The following ENOX1 variants were observed in gnomAD, a reference collection of about 807,000 sequenced individuals.
The protein encoded by ENOX1 is ecto-NOX disulfide-thiol exchanger 1.
Under a neutral mutation model 82.5 loss-of-function variants are expected in ENOX1, and 42 were observed. The observed-to-expected ratio is 0.51, with a 90% CI of 0.40 to 0.66. The LOEUF (loss-of-function observed/expected upper bound fraction) is 0.66, where lower values mean the gene tolerates loss of function less well. ENOX1 is among the 30% of genes least tolerant of loss of function. ENOX1 has a pLI of 0.00. For missense variants in ENOX1, 608 were observed against 811.6 expected (o/e 0.75, Z 3.05); for synonymous variants, 271 against 282.2 (o/e 0.96, Z 0.40).
At chr13:43,558,458 A>T (rs906628550) in intron 2 of ENOX1, among the ~76,000 whole-genome samples, 1 of 152,206 alleles carries the variant, frequency 6.6e-6, no homozygotes, top group African/African-American at 2.4e-5. Context: ...TTGGACTAAG[A>T]TTCCAGCAGA....
intron 2 of ENOX1, among the ~76,000 whole-genome samples, chr13:43,542,977 C>T (rs1016133505): frequency 3.3e-5 from 5 of 152,138 alleles, no homozygotes; most frequent in Admixed American, 6.5e-5. Flanking sequence ...GCTCCGGCTA[C>T]GTGACCCAAT....
intron 14 of ENOX1, among the ~76,000 whole-genome samples, chr13:43,256,705 G>A (rs572042605): frequency 1.3e-5 from 2 of 152,326 alleles, no homozygotes; most frequent in South Asian, 2.1e-4. Flanking sequence ...CTAGCACGCT[G>A]TTAGTGGGAA....
chr13:43,685,254 A>C (rs1480885044), intron 1 of ENOX1, among the ~76,000 whole-genome samples: 2 of 152,132 alleles, frequency 1.3e-5, no homozygotes, highest in Non-Finnish European at 2.9e-5. Context: ...CTTCCCAGCA[A>C]TTGCAATCTG....
intron 14 of ENOX1, among the ~76,000 whole-genome samples, chr13:43,260,081 A>C (rs1200168344): frequency 1.3e-5 from 2 of 152,246 alleles, no homozygotes; most frequent in Non-Finnish European, 2.9e-5. Context: ...GACTCAGCAC[A>C]TGCAGAGGTT....
intron 2 of ENOX1, among the ~76,000 whole-genome samples, chr13:43,599,899 G>T (rs2081629122): frequency 6.6e-6 from 1 of 151,766 alleles, no homozygotes; most frequent in Admixed American, 6.6e-5. Flanking sequence ...CCCCATTCCA[G>T]GCCCTAGCAC....
At chr13:43,595,589 T>A (rs1161068665) in intron 2 of ENOX1, among the ~76,000 whole-genome samples, 1 of 152,188 alleles carries the variant, frequency 6.6e-6, no homozygotes, top group African/African-American at 2.4e-5. Flanking sequence ...CAATTAACAT[T>A]CTTTCATAGG....
chr13:43,591,216 A>G (rs2081232224), intron 2 of ENOX1, among the ~76,000 whole-genome samples: 1 of 152,244 alleles, frequency 6.6e-6, no homozygotes, highest in African/African-American at 2.4e-5. Context: ...CAAAATAAAA[A>G]TAAAAAACCC....
intron 1 of ENOX1, among the ~76,000 whole-genome samples, chr13:43,684,773 T>A (rs1056448834): frequency 4.6e-5 from 7 of 152,180 alleles, no homozygotes; most frequent in Non-Finnish European, 4.4e-5. Context: ...AATGCTTCTT[T>A]CTGCATAGTA....
chr13:43,691,022 A>G (rs188184108), intron 1 of ENOX1, among the ~76,000 whole-genome samples: 33 of 152,278 alleles, frequency 2.2e-4, no homozygotes, highest in African/African-American at 5.5e-4. Context: ...CTAGCCTTCA[A>G]TTGGCAACTA....
intron 2 of ENOX1, among the ~76,000 whole-genome samples, chr13:43,529,923 T>C (rs1028365150): frequency 4.6e-5 from 7 of 152,088 alleles, no homozygotes; most frequent in South Asian, 4.1e-4. Context: ...CAACAAACTA[T>C]GAATGCAGCT....
In ENOX1 at chr13:43,473,587, C is replaced by T. The variant is rs181665607; in HGVS notation, c.-75+10422G>A. On this transcript the variant is annotated intron_variant, in intron 3 of 16. Coordinates refer to ENST00000690772, the MANE Select transcript of ENOX1 (RefSeq NM_001347969.2). ...ATAAAAATATGCAGTTCTCTTGTGTCTATTTAAAAGGGAAGTCCCTCTCCT... is the reference window on the plus strand; with the variant it reads ...ATAAAAATATGCAGTTCTCTTGTGTTTATTTAAAAGGGAAGTCCCTCTCCT... Among the ~76,000 whole-genome samples the T allele has an allele frequency of 3.3e-5, 5 of 152,260 alleles. No homozygotes were observed. The South Asian group carries it at 6.2e-4, about 19-fold the overall frequency.
intron 1 of ENOX1, among the ~76,000 whole-genome samples, chr13:43,722,894 C>T (rs573284911): frequency 6.6e-6 from 1 of 152,192 alleles, no homozygotes; most frequent in Non-Finnish European, 1.5e-5. Flanking sequence ...CTCAATTTCA[C>T]ACAAACATGA....
At chr13:43,269,414 G>A (rs1319680335) in intron 13 of ENOX1, 56 bp downstream of exon 13, 3 of 1,290,158 alleles carry the variant, frequency 2.3e-6, no homozygotes, top group South Asian at 1.2e-5. Flanking sequence ...CACAAGGGAG[G>A]TATGCAATGG....
chr13:43,429,422 A>AT (rs906958996), intron 3 of ENOX1, among the ~76,000 whole-genome samples: 89 of 151,490 alleles, frequency 5.9e-4, no homozygotes, highest in African/African-American at 2.1e-3. Flanking sequence ...TCTGGTCTGC[A>AT]TTTTTTTTTC....
intron 14 of ENOX1, among the ~76,000 whole-genome samples, chr13:43,263,441 C>T (rs958421774): frequency 1.1e-4 from 16 of 152,318 alleles, no homozygotes; most frequent in African/African-American, 3.8e-4. Context: ...AGACAGGTAT[C>T]TTAAAAAAGC....
intron 14 of ENOX1, among the ~76,000 whole-genome samples, chr13:43,254,566 A>T (rs1239585894): frequency 6.6e-6 from 1 of 152,244 alleles, no homozygotes; most frequent in Non-Finnish European, 1.5e-5. Context: ...TAGCTGAATT[A>T]ACCAATACAT....
chr13:43,361,168 A>C, intron 6 of ENOX1, 111 bp downstream of exon 6: 1 of 1,130,512 alleles, frequency 8.8e-7, no homozygotes, highest in Non-Finnish European at 1.3e-6. Flanking sequence ...ACGGATCCCC[A>C]CTCTGTGCAT....
At chr13:43,298,798 C>T (rs1032286291) in intron 11 of ENOX1, among the ~76,000 whole-genome samples, 2 of 152,136 alleles carry the variant, frequency 1.3e-5, no homozygotes, top group Non-Finnish European at 2.9e-5. Flanking sequence ...ATCCCTTGAC[C>T]TCTCCCTCAA....
At chr13:43,763,989 A>G (rs1951131243) in intron 1 of ENOX1, among the ~76,000 whole-genome samples, 1 of 152,222 alleles carries the variant, frequency 6.6e-6, no homozygotes, top group South Asian at 2.1e-4. Flanking sequence ...AGAATCCCAA[A>G]GGAGATTCCA....
Sources: allele counts gnomAD v4.1 joint callset (sites outside exome capture counted in the v4.1 genomes callset), GRCh38; gene constraint gnomAD v4.1.1; transcripts MANE v1.5; gene names NCBI Gene and HGNC (gene_info 2026-07-23, HGNC 2026-07-21).